GRAMD1B: variants seen among roughly 807,000 people sequenced by gnomAD.
The protein encoded by GRAMD1B is GRAM domain containing 1B.
A neutral mutation model predicts 99.7 loss-of-function variants in GRAMD1B; 37 were observed. The observed-to-expected ratio is 0.37, with a 90% confidence interval of 0.29 to 0.49. The LOEUF (loss-of-function observed/expected upper bound fraction) is 0.49. Ranked by LOEUF, GRAMD1B falls within the 20% of genes least tolerant of loss-of-function variation. The pLI, the probability that GRAMD1B is intolerant of heterozygous loss-of-function variation, is 0.98. For missense variants in GRAMD1B, 888 were observed against 1,009.2 expected (o/e 0.88, Z 1.63); for synonymous variants, 427 against 387.6 (o/e 1.10, Z -1.19).
chr11:123,567,456 G>A (rs1251362080), intron 2 of GRAMD1B, among the ~76,000 whole-genome samples: 1 of 152,184 alleles, frequency 6.6e-6, no homozygotes, highest in Non-Finnish European at 1.5e-5. Flanking sequence ...GTTATAATTT[G>A]TTCCTCTTTG....
At chr11:123,410,292 G>A (rs952628169) in intron 1 of GRAMD1B, among the ~76,000 whole-genome samples, 1 of 152,080 alleles carries the variant, frequency 6.6e-6, no homozygotes, top group Non-Finnish European at 1.5e-5. Context: ...AAGTGTGTGT[G>A]TTGGGGAATC....
chr11:123,490,294 G>C (rs1187880621), intron 2 of GRAMD1B, among the ~76,000 whole-genome samples: 2 of 152,180 alleles, frequency 1.3e-5, no homozygotes, highest in African/African-American at 4.8e-5. Context: ...AGTGATGTGA[G>C]ACAGATGAGA....
chr11:123,437,471 G>C (rs1164332175), intron 1 of GRAMD1B, among the ~76,000 whole-genome samples: 1 of 152,110 alleles, frequency 6.6e-6, no homozygotes, highest in African/African-American at 2.4e-5. Context: ...CTCTTTCTAG[G>C]GGATGCAGAA....
intron 1 of GRAMD1B, among the ~76,000 whole-genome samples, chr11:123,471,953 G>A (rs1400657199): frequency 6.6e-6 from 1 of 152,154 alleles, no homozygotes; most frequent in African/African-American, 2.4e-5. Context: ...GTATGTTCTT[G>A]CAATAAAATG....
At chr11:123,372,930 A>G (rs913491016) in intron 1 of GRAMD1B, among the ~76,000 whole-genome samples, 7 of 152,106 alleles carry the variant, frequency 4.6e-5, no homozygotes, top group African/African-American at 1.7e-4. Context: ...ACTTGACGCC[A>G]GGAGATCAAG....
intron 2 of GRAMD1B, among the ~76,000 whole-genome samples, chr11:123,564,490 C>A (rs964183984): frequency 6.6e-6 from 1 of 152,228 alleles, no homozygotes; most frequent in South Asian, 2.1e-4. Context: ...TCAGGAAGGC[C>A]ACCTAACTCC....
At chr11:123,457,117 A>AGAAAGAAAGAAAGAAAGAAAGAAAGAAG in intron 1 of GRAMD1B, among the ~76,000 whole-genome samples, 1 of 99,436 alleles carries the variant, frequency 1.0e-5, no homozygotes, top group Non-Finnish European at 2.2e-5. Context: ...TTCTGAGAAA[A>AGAAAGAAAGAAAGAAAGAAAGAAAGAAG]AAAGAAAGAA....
chr11:123,377,791 T>C lies in GRAMD1B; in HGVS notation c.-176+18992T>C, dbSNP rs1466644291. 2.7e-4 allele frequency among the ~76,000 whole-genome samples: 41 copies of C among 152,304 alleles called. 1 individual carries two copies. Among genetic ancestry groups the C allele is most frequent in the Non-Finnish European group, 4.4e-5 (3 of 68,022 alleles). On this transcript the variant is annotated intron_variant, in intron 1 of 20. Transcript: ENST00000638157. ...CAATGGAAGACCCTGAACTAGGAAC[T>C]TGAGGAGAAAGATTAGCCATCTAAA... is the stretch of plus-strand genomic sequence containing the variant.
intron 8 of GRAMD1B, among the ~76,000 whole-genome samples, chr11:123,601,599 C>T (rs1951991996): frequency 6.6e-6 from 1 of 151,950 alleles, no homozygotes; most frequent in South Asian, 2.1e-4. Flanking sequence ...TTGACTCTAG[C>T]CCAAACAAAT....
At chr11:123,390,568 A>G (rs985900530) in intron 1 of GRAMD1B, among the ~76,000 whole-genome samples, 1 of 152,232 alleles carries the variant, frequency 6.6e-6, no homozygotes, top group African/African-American at 2.4e-5. Context: ...TACATGGGTC[A>G]AATCCGTGTG....
At chr11:123,533,118 C>T (rs1477540753) in intron 2 of GRAMD1B, among the ~76,000 whole-genome samples, 1 of 151,666 alleles carries the variant, frequency 6.6e-6, no homozygotes, top group African/African-American at 2.4e-5. Context: ...TACAGGCATG[C>T]ACCACCAGGC....
At chr11:123,393,765 C>A (rs1179622571) in intron 1 of GRAMD1B, among the ~76,000 whole-genome samples, 1 of 152,144 alleles carries the variant, frequency 6.6e-6, no homozygotes, top group Non-Finnish European at 1.5e-5. Flanking sequence ...CCAGGTCCAC[C>A]CTCTTCAATG....
rs78837047 is a variant in GRAMD1B at position 123,525,070 on chromosome 11, T to C, written c.452+44177T>C. 7.6e-3 allele frequency among the ~76,000 whole-genome samples: 1,160 copies of C among 152,310 alleles called. 13 individuals carry two copies. Among genetic ancestry groups the C allele is most frequent in the African/African-American group, 0.026 (1,086 of 41,568 alleles). ...GTGCTGTGGCTGGTCTGCATCTTCT[T>C]GGAGCCCAGGATTGGTGATCATGTT... is the stretch of plus-strand genomic sequence containing the variant. On this transcript the variant is annotated intron_variant, in intron 2 of 19. Coordinates refer to ENST00000635736, the MANE Select transcript of GRAMD1B (RefSeq NM_001387025.1).
chr11:123,399,079 T>C (rs962611542), intron 1 of GRAMD1B, among the ~76,000 whole-genome samples: 3 of 152,224 alleles, frequency 2.0e-5, no homozygotes, highest in East Asian at 1.9e-4. Context: ...CCTTGACTTA[T>C]ACTCCTCATT....
At chr11:123,466,442 GAAAGAAAGAGAA>G (rs1950678068) in intron 1 of GRAMD1B, among the ~76,000 whole-genome samples, 1 of 148,738 alleles carries the variant, frequency 6.7e-6, no homozygotes, top group Non-Finnish European at 1.5e-5. Flanking sequence ...AAGGAAGAAA[GAAAGAAAGAGAA>G]AGAAAGAAAG....
chr11:123,491,307 C>G (rs2135023760), intron 2 of GRAMD1B, among the ~76,000 whole-genome samples: 2 of 152,250 alleles, frequency 1.3e-5, no homozygotes, highest in South Asian at 4.2e-4. Flanking sequence ...TTATTCTGTT[C>G]CAGAAATATG....
chr11:123,441,947 A>C (rs944829276), intron 1 of GRAMD1B, among the ~76,000 whole-genome samples: 7 of 152,110 alleles, frequency 4.6e-5, no homozygotes, highest in Non-Finnish European at 8.8e-5. Flanking sequence ...TGTGCCTTGC[A>C]CTTCTAGAAG....
rs1205366255 is a variant in GRAMD1B, at chr11:123,548,293, T to A, written c.453-29074T>A. 2.5e-3 allele frequency among the ~76,000 whole-genome samples: 52 copies of A among 21,210 alleles called. 1 individual carries two copies. The highest frequency in any genetic ancestry group is 0.011 in the Admixed American group (18 of 1,698). The allele number at this position is 21,210 out of a possible 152,430, so 13.9% of individuals were successfully genotyped here. ...TTGGAAGAGTCAGGCTGTGCCAAAATATATATATATATATATATATATATA... is the reference window on the plus strand; with the variant it reads ...TTGGAAGAGTCAGGCTGTGCCAAAAAATATATATATATATATATATATATA... On this transcript the variant is annotated intron_variant, in intron 2 of 19. Transcript: ENST00000635736.
rs939567920 is a variant in GRAMD1B, at chr11:123,610,973, A to C, written c.1919+635A>C. ...CATTTAGACCCTGACATTTTAAGAA[A>C]CTTGTAGTCTAATTGAAAAGGCAAG... is the stretch of plus-strand genomic sequence containing the variant. On this transcript the variant is annotated intron_variant, in intron 14 of 19. Coordinates refer to ENST00000635736, the MANE Select transcript of GRAMD1B (RefSeq NM_001387025.1). This position sits in a 1 kb window ranked among gnomAD's most constrained non-coding sequence, Gnocchi z 4.1. Among the ~76,000 whole-genome samples the C allele has an allele frequency of 2.6e-5, 4 of 152,176 alleles. No homozygotes were observed. The highest frequency in any genetic ancestry group is 4.4e-5 in the Non-Finnish European group (3 of 68,048).
Sources: gnomAD v4.1 joint callset for allele counts (sites outside exome capture counted in the v4.1 genomes callset) on GRCh38, gnomAD v4.1.1 for gene constraint, Gnocchi (gnomAD v3.1) non-coding constraint, MANE v1.5 for transcripts, NCBI Gene and HGNC (gene_info 2026-07-23, HGNC 2026-07-21) for gene names.